GABRG3: variants seen among roughly 807,000 people sequenced by gnomAD.
GABRG3 encodes gamma-aminobutyric acid type A receptor subunit gamma3, also known as gamma-aminobutyric acid receptor subunit gamma-3.
Under a neutral mutation model 48.8 loss-of-function variants are expected in GABRG3, and 25 were observed. The ratio of observed to expected loss-of-function variants is 0.51; its 90% CI spans 0.37 to 0.72. The LOEUF is 0.72. GABRG3 is among the 30% of genes least tolerant of loss of function. The pLI, the probability that GABRG3 is intolerant of heterozygous loss-of-function variation, is 0.00. For missense variants in GABRG3, 394 were observed against 577.9 expected, an observed-to-expected ratio of 0.68 and a Z score of 3.26; for synonymous variants, 227 against 217.6, an observed-to-expected ratio of 1.04 and a Z score of -0.38.
intron 3 of GABRG3, among the ~76,000 whole-genome samples, chr15:27,202,490 G>A (rs1411321307): frequency 6.6e-6 from 1 of 152,098 alleles, no homozygotes; most frequent in Admixed American, 6.5e-5. Context: ...TTAATAGATT[G>A]GCAGGTTGCT....
At chr15:27,432,933 A>C (rs1888499390) in intron 5 of GABRG3, among the ~76,000 whole-genome samples, 1 of 152,216 alleles carries the variant, frequency 6.6e-6, no homozygotes, top group Non-Finnish European at 1.5e-5. Context: ...ACTGTACAGC[A>C]AGAAGTCTTT....
At chr15:27,016,238 T>TA (rs754737211) in intron 2 of GABRG3, among the ~76,000 whole-genome samples, 105 of 112,804 alleles carry the variant, frequency 9.3e-4, no homozygotes, top group East Asian at 3.2e-3. Context: ...CTTTCTTTCT[T>TA]TCTTTTTTTT....
At chr15:27,421,897 T>C (rs7164687) in intron 5 of GABRG3, among the ~76,000 whole-genome samples, 5,353 of 146,110 alleles carry the variant, frequency 0.037, 64 homozygotes, top group East Asian at 0.14. Context: ...CAATACTGAG[T>C]GTTCTAAGAT....
chr15:27,308,521 T>A (rs973782234), intron 3 of GABRG3, among the ~76,000 whole-genome samples: 2 of 147,722 alleles, frequency 1.4e-5, no homozygotes, highest in Non-Finnish European at 3.0e-5. Flanking sequence ...AATGTAAACA[T>A]ACATGTTTAT....
chr15:27,475,825 T>C (rs978875384), intron 5 of GABRG3, among the ~76,000 whole-genome samples: 1 of 151,902 alleles, frequency 6.6e-6, no homozygotes, highest in Non-Finnish European at 1.5e-5. Context: ...ATGATGGTGA[T>C]GGTGATGATG....
intron 3 of GABRG3, among the ~76,000 whole-genome samples, chr15:27,308,324 G>T (rs1342996077): frequency 6.7e-5 from 9 of 133,530 alleles, no homozygotes; most frequent in Non-Finnish European, 1.3e-4. Flanking sequence ...ATAAACATAC[G>T]TTTATATATA....
chr15:27,220,465 G>A (rs1036455567), intron 3 of GABRG3, among the ~76,000 whole-genome samples: 6 of 152,102 alleles, frequency 3.9e-5, no homozygotes, highest in Non-Finnish European at 5.9e-5. Context: ...TAGCAAGAGT[G>A]ATGGCCTGTA....
chr15:27,512,188 T>C (rs1438886547), intron 6 of GABRG3, among the ~76,000 whole-genome samples: 1 of 152,180 alleles, frequency 6.6e-6, no homozygotes, highest in East Asian at 1.9e-4. Flanking sequence ...GAAGGACAAA[T>C]TAAGCAACGA....
At chr15:27,344,323 G>A (rs543139067) in intron 5 of GABRG3, among the ~76,000 whole-genome samples, 1 of 152,340 alleles carries the variant, frequency 6.6e-6, no homozygotes, top group Admixed American at 6.5e-5. Flanking sequence ...AGCACTGTGA[G>A]GTGGTGACCT....
At chr15:27,148,330 A>T (rs1898247822) in intron 3 of GABRG3, among the ~76,000 whole-genome samples, 3 of 151,968 alleles carry the variant, frequency 2.0e-5, no homozygotes, top group Admixed American at 6.6e-5. Context: ...CTCATAACAT[A>T]AAAAAAGAGG....
chr15:27,461,247 G>A (rs970846671), intron 5 of GABRG3, among the ~76,000 whole-genome samples: 1 of 152,170 alleles, frequency 6.6e-6, no homozygotes, highest in African/African-American at 2.4e-5. Flanking sequence ...GTCAAAAATA[G>A]CACAGCAACC....
At chr15:26,985,555 T>A (rs139490890) in intron 2 of GABRG3, among the ~76,000 whole-genome samples, 16 of 152,278 alleles carry the variant, frequency 1.1e-4, no homozygotes, top group Non-Finnish European at 2.1e-4. Context: ...TTGAGTTGCC[T>A]TAGAACTCTA....
At chr15:27,390,801 T>A (rs1388774683) in intron 5 of GABRG3, among the ~76,000 whole-genome samples, 1 of 152,086 alleles carries the variant, frequency 6.6e-6, no homozygotes, top group Non-Finnish European at 1.5e-5. Flanking sequence ...TAAAAAGACA[T>A]AATCAGGCCG....
At chr15:27,161,703 T>G (rs878982264) in intron 3 of GABRG3, among the ~76,000 whole-genome samples, 2 of 152,192 alleles carry the variant, frequency 1.3e-5, no homozygotes, top group Non-Finnish European at 2.9e-5. Context: ...CACCTCAAAT[T>G]AATTTTTACT....
intron 3 of GABRG3, among the ~76,000 whole-genome samples, chr15:27,172,021 C>A (rs1887588586): frequency 3.0e-5 from 1 of 33,842 alleles, no homozygotes; most frequent in Non-Finnish European, 5.7e-5. Flanking sequence ...GCCAAACTTA[C>A]TTTAATCAGG....
chr15:27,304,696 C>T (rs971911470), intron 3 of GABRG3, among the ~76,000 whole-genome samples: 6 of 152,024 alleles, frequency 3.9e-5, no homozygotes, highest in African/African-American at 1.4e-4. Context: ...TCAGTGATTA[C>T]ATTGGGCCCA....
At chr15:27,205,760 T>C (rs1888832098) in intron 3 of GABRG3, among the ~76,000 whole-genome samples, 1 of 151,924 alleles carries the variant, frequency 6.6e-6, no homozygotes, top group African/African-American at 2.4e-5. Context: ...TTGTTATTGG[T>C]CAATTCAGGT....
intron 3 of GABRG3, among the ~76,000 whole-genome samples, chr15:27,278,671 C>T (rs1454783496): frequency 2.0e-5 from 3 of 152,084 alleles, no homozygotes; most frequent in African/African-American, 2.4e-5. Context: ...GTATGCATGC[C>T]CAACAGTTTG....
At chr15:27,039,837 G>A (rs754675095) in intron 3 of GABRG3, among the ~76,000 whole-genome samples, 9 of 152,182 alleles carry the variant, frequency 5.9e-5, no homozygotes, top group African/African-American at 2.2e-4. Context: ...TTGAGGTTGC[G>A]TTGATGTTCC....
Sources: gnomAD v4.1 joint callset for allele counts (sites outside exome capture counted in the v4.1 genomes callset) on GRCh38, gnomAD v4.1.1 for gene constraint, MANE v1.5 for transcripts, NCBI Gene and HGNC (gene_info 2026-07-23, HGNC 2026-07-21) for gene names.